The following SPOPL variants were observed in gnomAD, a reference collection of about 807,000 sequenced individuals.
The protein encoded by SPOPL is speckle type BTB/POZ protein like, also known as speckle-type POZ protein-like.
In SPOPL, 23 loss-of-function variants were observed where a neutral mutation model predicts 53.8. That is an observed-to-expected ratio of 0.43 (90% CI 0.31 to 0.61). SPOPL has a LOEUF of 0.61. Ranked by LOEUF, SPOPL falls within the 20% of genes least tolerant of loss-of-function variation. The pLI, the probability that SPOPL is intolerant of heterozygous loss-of-function variation, is 0.12. For synonymous variants in SPOPL, 164 were observed against 149.7 expected, an observed-to-expected ratio of 1.10 and a Z score of -0.70; for missense variants, 442 against 466.9, an observed-to-expected ratio of 0.95 and a Z score of 0.49.
At chr2:138,540,465 T>C (rs1488707328) in intron 1 of SPOPL, among the ~76,000 whole-genome samples, 2 of 152,092 alleles carry the variant, frequency 1.3e-5, no homozygotes, top group South Asian at 2.1e-4. Flanking sequence ...CCTTCACATC[T>C]CTTGTAAGTT....
At chr2:138,540,867 T>C (rs901101031) in intron 1 of SPOPL, among the ~76,000 whole-genome samples, 1 of 152,194 alleles carries the variant, frequency 6.6e-6, no homozygotes, top group African/African-American at 2.4e-5. Flanking sequence ...CAGTATGATA[T>C]TGGCTGTGGG....
chr2:138,517,765 G>A (rs1684470685), intron 1 of SPOPL, among the ~76,000 whole-genome samples: 1 of 150,066 alleles, frequency 6.7e-6, no homozygotes, highest in South Asian at 2.1e-4. Context: ...TCTGACCTAG[G>A]CCAGGGCACG....
At chr2:138,530,379 T>A (rs989005234) in intron 1 of SPOPL, among the ~76,000 whole-genome samples, 6 of 152,232 alleles carry the variant, frequency 3.9e-5, no homozygotes, top group African/African-American at 1.4e-4. Flanking sequence ...ATGGTAGTTA[T>A]GTTTTTAGGT....
chr2:138,502,473 T>A (rs1015915838), intron 1 of SPOPL, among the ~76,000 whole-genome samples: 7 of 152,206 alleles, frequency 4.6e-5, no homozygotes, highest in African/African-American at 1.4e-4. Context: ...CCTCCACACC[T>A]GCCCCTTTTT....
intron 1 of SPOPL, among the ~76,000 whole-genome samples, chr2:138,505,060 A>G (rs902336867): frequency 9.9e-5 from 15 of 151,860 alleles, no homozygotes; most frequent in African/African-American, 3.6e-4. Flanking sequence ...TGCCTCTCAC[A>G]CCTTTCACTT....
intron 1 of SPOPL, among the ~76,000 whole-genome samples, chr2:138,534,286 A>G (rs964098199): frequency 1.2e-4 from 19 of 152,214 alleles, no homozygotes; most frequent in African/African-American, 4.6e-4. Context: ...GGGAAAAAAA[A>G]TTAACAATAC....
chr2:138,534,804 T>C (rs946255447), intron 1 of SPOPL, among the ~76,000 whole-genome samples: 6 of 152,216 alleles, frequency 3.9e-5, no homozygotes, highest in African/African-American at 1.4e-4. Context: ...TAATCTGCTT[T>C]TTGTATGTAT....
chr2:138,504,031 GCTTA>G (rs995916184), intron 1 of SPOPL, among the ~76,000 whole-genome samples: 17 of 152,044 alleles, frequency 1.1e-4, no homozygotes, highest in Non-Finnish European at 2.5e-4. Context: ...GTGCACTGTT[GCTTA>G]CTTATTACAT....
chr2:138,560,346 G>A (rs1054336763), intron 7 of SPOPL, among the ~76,000 whole-genome samples: 1 of 152,128 alleles, frequency 6.6e-6, no homozygotes, highest in Non-Finnish European at 1.5e-5. Flanking sequence ...AGGACCTAGG[G>A]ATTCAACAAA....
At chr2:138,565,293 CA>C (rs1685637036) in intron 10 of SPOPL, among the ~76,000 whole-genome samples, 1 of 152,068 alleles carries the variant, frequency 6.6e-6, no homozygotes, top group Non-Finnish European at 1.5e-5. Flanking sequence ...GAAAGCATTC[CA>C]AAAAGTGTGG....
At position 138,569,296 on chromosome 2, in the gene SPOPL, T is replaced by G; in HGVS notation, c.*216T>G. On this transcript the variant is annotated 3_prime_UTR_variant, in exon 11 of 11. Transcript: ENST00000280098. ...TAATTCACTTCAAGGCCTTAAATTA[T>G]CTTCAATGACTTGTCTTGTTCATAT... 1 of 493,844 alleles carries G rather than the reference T, an allele frequency of 2.0e-6. No homozygotes were observed. Among genetic ancestry groups the G allele is most frequent in the South Asian group, 3.9e-5 (1 of 25,788 alleles). 30.6% of individuals were successfully genotyped at this position (493,844 alleles called of 1,614,324 possible).
intron 8 of SPOPL, 167 bp from the exon 9 acceptor site, chr2:138,564,541 T>G: frequency 2.5e-5 from 17 of 689,576 alleles, no homozygotes; most frequent in South Asian, 6.9e-5. Flanking sequence ...TCTAAGTGCA[T>G]TTGTTTATAT....
chr2:138,568,988 C>T lies in SPOPL; in HGVS notation c.1087C>T (p.His363Tyr). 2 of 1,614,062 alleles carry T rather than the reference C, an allele frequency of 1.2e-6. No individual in the cohort carries two copies. Among genetic ancestry groups the T allele is most frequent in the Non-Finnish European group, 1.7e-6 (2 of 1,179,942 alleles). ...AGGGTGGAAGTCCATGATTCAGTCT[C>T]ACCCTCATTTAGTAGCAGAAGCCTT... is the stretch of plus-strand genomic sequence containing the variant. The part of the protein sequence containing the change: ...TSGWKSMIQS[H>Y]PHLVAEAFRA... The change falls in exon 11 of 11, where the codon CAC becomes TAC. Residue 363 changes from histidine (H) to tyrosine (Y), a missense_variant. By Grantham distance (83) the His-to-Tyr change is moderately conservative. Transcript: ENST00000280098.
chr2:138,518,046 C>CAAAA (rs61662616), intron 1 of SPOPL, among the ~76,000 whole-genome samples: 5 of 67,772 alleles, frequency 7.4e-5, no homozygotes, highest in East Asian at 3.4e-4. Flanking sequence ...GAAACTGTCT[C>CAAAA]AAAAAAAAAA....
At chr2:138,545,079 G>A (rs1685162392) in intron 1 of SPOPL, among the ~76,000 whole-genome samples, 1 of 151,998 alleles carries the variant, frequency 6.6e-6, no homozygotes, top group South Asian at 2.1e-4. Flanking sequence ...TAATGCTTTT[G>A]ATAAATGCCA....
intron 1 of SPOPL, among the ~76,000 whole-genome samples, chr2:138,548,548 G>T (rs1469708579): frequency 6.6e-6 from 1 of 151,596 alleles, no homozygotes; most frequent in South Asian, 2.1e-4. Context: ...TCATCTTTTG[G>T]ATTTTTCCTA....
rs1553468788 is a variant in SPOPL, at chr2:138,525,662, A to AAAACAAAC, written c.-61+23546_-61+23547insCAAACAAA. Among the ~76,000 whole-genome samples the AAAACAAAC allele has an allele frequency of 2.2e-4, 23 of 104,576 alleles. 1 individual carries two copies. The highest frequency in any genetic ancestry group is 1.3e-3 in the Admixed American group (12 of 9,596). 68.6% of individuals were successfully genotyped at this position (104,576 alleles called of 152,430 possible). ...TGCATCAGTATAAAAAGTAGAAAAAAAAAAAAAAAAAATACACAAAAAACA... is the reference window on the plus strand; with the variant it reads ...TGCATCAGTATAAAAAGTAGAAAAAAAAACAAACAAAAAAAAAAAATACACAAAAAACA... On this transcript the variant is annotated intron_variant, in intron 1 of 10. Transcript: ENST00000280098.
intron 10 of SPOPL, among the ~76,000 whole-genome samples, chr2:138,567,186 T>C (rs1222189747): frequency 6.6e-6 from 1 of 152,100 alleles, no homozygotes; most frequent in East Asian, 1.9e-4. Context: ...TGATAGGGAA[T>C]ATGTAGCATA....
At chr2:138,567,693 G>A (rs966476214) in intron 10 of SPOPL, among the ~76,000 whole-genome samples, 15 of 152,092 alleles carry the variant, frequency 9.9e-5, no homozygotes, top group African/African-American at 3.4e-4. Context: ...TAGACCAGTT[G>A]GAAAGTTACT....
Sources: allele counts gnomAD v4.1 joint callset (sites outside exome capture counted in the v4.1 genomes callset), GRCh38; gene constraint gnomAD v4.1.1; transcripts MANE v1.5; gene names NCBI Gene and HGNC (gene_info 2026-07-23, HGNC 2026-07-21).